Variants in FBXO39 observed in about 807,000 individuals in gnomAD.
The protein encoded by FBXO39 is F-box only protein 39.
Under a neutral mutation model 36.6 loss-of-function variants are expected in FBXO39, and 22 were observed. That is an observed-to-expected ratio of 0.60 (90% CI 0.43 to 0.86). The LOEUF (loss-of-function observed/expected upper bound fraction) is 0.86. FBXO39 is among the 40% of genes least tolerant of loss of function. The probability of loss-of-function intolerance (pLI) is 0.00; values close to 1 mark genes in which losing one functional copy is unlikely to be tolerated. For synonymous variants in FBXO39, 206 were observed against 205.8 expected (o/e 1.00, Z -0.01); for missense variants, 536 against 543.9 (o/e 0.99, Z 0.14).
chr17:6,784,725 T>C (rs1976545804), intron 2 of FBXO39, among the ~76,000 whole-genome samples: 1 of 151,706 alleles, frequency 6.6e-6, no homozygotes, highest in Non-Finnish European at 1.5e-5. Context: ...ATCTCTACAA[T>C]GAAAATTATA....
intron 2 of FBXO39, among the ~76,000 whole-genome samples, chr17:6,784,042 A>C (rs1485333367): frequency 6.6e-6 from 1 of 152,132 alleles, no homozygotes; most frequent in Non-Finnish European, 1.5e-5. Context: ...AAATTCGACA[A>C]CACATTACAA....
At chr17:6,781,402 C>G (rs1323113577) in intron 2 of FBXO39, among the ~76,000 whole-genome samples, 1 of 152,108 alleles carries the variant, frequency 6.6e-6, no homozygotes, top group Non-Finnish European at 1.5e-5. Flanking sequence ...CTCAGAGTTT[C>G]TGGGTTGTTC....
intron 3 of FBXO39, 51 bp from the exon 4 acceptor site, chr17:6,787,249 T>TGCGCAC (rs750487814): frequency 5.8e-6 from 9 of 1,552,970 alleles, no homozygotes; most frequent in South Asian, 4.6e-5. Context: ...TGTGTGTGTG[T>TGCGCAC]GTGTGCGTGT....
Position 6,779,780 on chromosome 17 carries a change from TC to T in FBXO39, c.-80-5del. 1.5e-6 allele frequency: 2 copies of T among 1,356,292 alleles called. No individual in the cohort carries two copies. The highest frequency in any genetic ancestry group is 2.0e-6 in the Non-Finnish European group (2 of 991,656). The allele number at this position is 1,356,292 out of a possible 1,614,324, so 84.0% of individuals were successfully genotyped here. A position where few individuals can be genotyped will look rare whatever the true frequency, so the allele number is the denominator to read the frequency against. ...ACAGGTAATGGCTCTTCCTTTTTAT[TC>T]CCCACAGAAAGCAAGTGATTGCTTT... On this transcript the variant is annotated splice_region_variant and splice_polypyrimidine_tract_variant and intron_variant, in intron 1 of 3. Coordinates refer to ENST00000321535, the MANE Select transcript of FBXO39 (RefSeq NM_153230.3).
intron 1 of FBXO39, among the ~76,000 whole-genome samples, chr17:6,777,014 C>T (rs1405664978): frequency 6.6e-6 from 1 of 152,062 alleles, no homozygotes; most frequent in Admixed American, 6.5e-5. Flanking sequence ...CCAACCCCAC[C>T]CTTACAGCAC....
chr17:6,787,255 C>CGCGCGCGT lies in FBXO39; in HGVS notation c.1201-44_1201-43insCGCGCGTG. 4.0e-6 allele frequency: 6 copies of CGCGCGCGT among 1,501,148 alleles called. No individual in the cohort carries two copies. In the Admixed American group the frequency reaches 5.4e-5, roughly 14 times the overall value. 93.0% of individuals were successfully genotyped at this position (1,501,148 alleles called of 1,614,324 possible). On this transcript the variant is annotated intron_variant, in intron 3 of 3. Transcript: ENST00000321535. ...GTGTGTGTATGTGTGTGTGTGTGTG[C>CGCGCGCGT]GTGTGTGCGTGCTCATATGTGGATG...
In FBXO39 at chr17:6,779,822, G is replaced by T. The variant is rs774414477; in HGVS notation, c.-47G>T. 2 of 1,554,402 alleles carry T rather than the reference G, an allele frequency of 1.3e-6. No homozygotes were observed. Among genetic ancestry groups the T allele is most frequent in the African/African-American group, 2.7e-5 (2 of 72,768 alleles). On this transcript the variant is annotated 5_prime_UTR_variant, in exon 2 of 4. Transcript: ENST00000321535. ...TGATTGCTTTCCTTTCCTCATTTTT[G>T]GAAGCCCTGCCTAACACACAGCTGC...
Position 6,787,507 on chromosome 17 carries a change from G to A in FBXO39, c.*79G>A. On this transcript the variant is annotated 3_prime_UTR_variant, in exon 4 of 4. Coordinates refer to ENST00000321535, the MANE Select transcript of FBXO39 (RefSeq NM_153230.3). ...TCTCTTAGAACTACACTTGGGCACTGCCGGCCCTTTTGCTCCTCTCTCTCC... is the reference window on the plus strand; with the variant it reads ...TCTCTTAGAACTACACTTGGGCACTACCGGCCCTTTTGCTCCTCTCTCTCC... The A allele has an allele frequency of 1.2e-5, 19 of 1,561,732 alleles. No homozygotes were observed. Among genetic ancestry groups the A allele is most frequent in the Non-Finnish European group, 1.7e-5 (19 of 1,148,966 alleles).
intron 3 of FBXO39, 132 bp from the exon 4 acceptor site, chr17:6,787,168 C>A: frequency 7.1e-7 from 1 of 1,411,602 alleles, no homozygotes; most frequent in Non-Finnish European, 9.4e-7. Flanking sequence ...CCTGATTCAA[C>A]AACTGTATGT....
intron 2 of FBXO39, among the ~76,000 whole-genome samples, chr17:6,781,137 A>G (rs4131933): frequency 0.22 from 33,738 of 152,178 alleles, 4,037 homozygotes; most frequent in African/African-American, 0.27. Context: ...TCAGCTAGGG[A>G]AAACCCCTAA....
chr17:6,782,667 A>C (rs1298344846), intron 2 of FBXO39, among the ~76,000 whole-genome samples: 1 of 152,178 alleles, frequency 6.6e-6, no homozygotes, highest in Non-Finnish European at 1.5e-5. Flanking sequence ...AAAATCTATA[A>C]AAAGAGACAG....
chr17:6,778,756 G>T (rs1468676589), intron 1 of FBXO39, among the ~76,000 whole-genome samples: 2 of 152,176 alleles, frequency 1.3e-5, no homozygotes, highest in East Asian at 1.9e-4. Flanking sequence ...TTAGCAGATG[G>T]CTATAAAATA....
chr17:6,776,610 T>C (rs1314146133), intron 1 of FBXO39, among the ~76,000 whole-genome samples: 1 of 152,162 alleles, frequency 6.6e-6, no homozygotes, highest in Admixed American at 6.5e-5. Context: ...GTTTCCGTAT[T>C]TGTGAAATGG....
chr17:6,782,455 A>G (rs1332324946), intron 2 of FBXO39, among the ~76,000 whole-genome samples: 1 of 152,166 alleles, frequency 6.6e-6, no homozygotes, highest in African/African-American at 2.4e-5. Flanking sequence ...AAATGGACTA[A>G]ACCCTCCAAT....
rs766054034 is a variant in FBXO39 at position 6,780,910 on chromosome 17, G to A, written c.1023+19G>A. On this transcript the variant is annotated intron_variant, in intron 2 of 3. Coordinates refer to ENST00000321535, the MANE Select transcript of FBXO39 (RefSeq NM_153230.3). ...TCTGCAGGTAGGTAGGACTTGTGAG[G>A]AGTGACTGCTGTTCAGGTGACTGGC... The A allele has an allele frequency of 6.3e-7, 1 of 1,597,014 alleles. No homozygotes were observed. The highest frequency in any genetic ancestry group is 8.5e-7 in the Non-Finnish European group (1 of 1,174,516).
intron 1 of FBXO39, among the ~76,000 whole-genome samples, chr17:6,777,274 G>A (rs1014667164): frequency 6.7e-6 from 1 of 150,032 alleles, no homozygotes. Flanking sequence ...GCCACCCCCC[G>A]ACAGGCCCCA....
chr17:6,780,730 T>C lies in FBXO39; in HGVS notation c.862T>C (p.Phe288Leu), dbSNP rs372299377. ...GGCCACCAATCTGAAGGTGAACTTC[T>C]TCTTTGAACGGATCATGAAGTACGA... Reference protein sequence around the residue: ...RQATNLKVNFFFERIMKYERL... With the variant: ...RQATNLKVNFLFERIMKYERL... The change falls in exon 2 of 4, where the codon TTC (phenylalanine) becomes CTC (leucine). Residue 288 changes from phenylalanine to leucine, a missense_variant. Transcript: ENST00000321535. 6.2e-7 allele frequency: 1 copy of C among 1,614,142 alleles called. No individual in the cohort carries two copies. The highest frequency in any genetic ancestry group is 8.5e-7 in the Non-Finnish European group (1 of 1,180,022).
In FBXO39 at chr17:6,780,851, C is replaced by G. The variant is rs200108762; in HGVS notation, c.983C>G (p.Thr328Ser). ...FSDPDCSMRP[T>S]LIDLLPTFRH... ...GACCCAGACTGTTCAATGAGACCCA[C>G]TCTGATAGATCTCCTGCCCACCTTC... Residue 328 changes from threonine (T) to serine (S), a missense_variant, in exon 2 of 4, where the codon ACT (threonine) becomes AGT (serine). By Grantham distance (58) the Thr-to-Ser change is moderately conservative. Coordinates refer to ENST00000321535, the MANE Select transcript of FBXO39 (RefSeq NM_153230.3). 6.2e-7 allele frequency: 1 copy of G among 1,613,792 alleles called. No homozygotes were observed.
intron 2 of FBXO39, among the ~76,000 whole-genome samples, chr17:6,781,782 T>A (rs1976511456): frequency 6.6e-6 from 1 of 152,108 alleles, no homozygotes; most frequent in South Asian, 2.1e-4. Flanking sequence ...GAACTACATG[T>A]CCAATGTCCC....
Sources: allele counts gnomAD v4.1 joint callset (sites outside exome capture counted in the v4.1 genomes callset), GRCh38; gene constraint gnomAD v4.1.1; transcripts MANE v1.5; gene names NCBI Gene and HGNC (gene_info 2026-07-23, HGNC 2026-07-21).